The following CAP1 variants were observed in gnomAD, a reference collection of about 807,000 sequenced individuals.
CAP1 encodes the protein cyclase associated actin cytoskeleton regulatory protein 1, also known as adenylyl cyclase-associated protein 1.
Under a neutral mutation model 58.2 loss-of-function variants are expected in CAP1, and 11 were observed. The observed-to-expected ratio is 0.19, with a 90% CI of 0.12 to 0.31. CAP1 has a LOEUF of 0.31. CAP1 is among the 10% of genes least tolerant of loss of function. CAP1 has a pLI of 1.00. For synonymous variants in CAP1, 183 were observed against 213.8 expected (o/e 0.86, Z 1.26); for missense variants, 423 against 587.5 (o/e 0.72, Z 2.89).
At chr1:40,055,966 G>A (rs1379443759) in intron 1 of CAP1, among the ~76,000 whole-genome samples, 1 of 152,146 alleles carries the variant, frequency 6.6e-6, no homozygotes, top group Non-Finnish European at 1.5e-5. Context: ...CTTCTACATG[G>A]ATTCCTTCAT....
chr1:40,061,657 G>A (rs1394913091), intron 3 of CAP1, 78 bp from the exon 4 acceptor site: 2 of 1,155,046 alleles, frequency 1.7e-6, no homozygotes, highest in Non-Finnish European at 2.6e-6. Context: ...GTACATGGAA[G>A]TAGAGGTTTC....
chr1:40,070,409 A>T, intron 10 of CAP1, 21 bp from the exon 11 acceptor site: 2 of 1,608,138 alleles, frequency 1.2e-6, no homozygotes, highest in Non-Finnish European at 1.7e-6. Context: ...ACACGTTGAC[A>T]CACTCCCTTT....
At chr1:40,041,690 CG>C (rs1645837807) in intron 1 of CAP1, among the ~76,000 whole-genome samples, 1 of 152,120 alleles carries the variant, frequency 6.6e-6, no homozygotes, top group Non-Finnish European at 1.5e-5. Flanking sequence ...TTCCCAGATG[CG>C]GGGAATGCAG....
chr1:40,060,329 T>G (rs1335299829), intron 3 of CAP1, among the ~76,000 whole-genome samples, 159 bp downstream of exon 3: 3 of 152,168 alleles, frequency 2.0e-5, no homozygotes, highest in African/African-American at 7.2e-5. Context: ...AGGAGTTCAG[T>G]CTAGCCACAG....
intron 7 of CAP1, chr1:40,067,236 G>T (rs1193575998): frequency 3.2e-6 from 1 of 310,134 alleles, no homozygotes; most frequent in Non-Finnish European, 5.9e-6. Flanking sequence ...TGAATCTGTT[G>T]AATCAGAGGT....
intron 1 of CAP1, among the ~76,000 whole-genome samples, chr1:40,046,306 A>C (rs1646098723): frequency 6.6e-6 from 1 of 152,106 alleles, no homozygotes. Context: ...AATTACAAAA[A>C]TTTGCTGGGT....
rs77982712 is a variant in CAP1 at position 40,067,386 on chromosome 1, A to G, written c.631-154A>G. On this transcript the variant is annotated intron_variant, in intron 7 of 12. Coordinates refer to ENST00000372805, the MANE Select transcript of CAP1 (RefSeq NM_006367.4). ...GATCCTTGGGAAAGGGTGAGAAGGC[A>G]TAAAGCCAAGTTGGGTATGGGTAGG... The G allele has an allele frequency of 1.1e-3, 649 of 569,402 alleles. 9 individuals carry two copies. The East Asian group carries it at 0.019, about 17-fold the overall frequency. 35.3% of individuals were successfully genotyped at this position (569,402 alleles called of 1,614,324 possible).
Position 40,071,890 on chromosome 1 carries a change from G to C in CAP1, c.*357G>C, listed in dbSNP as rs1003954017. 4.6e-6 allele frequency: 2 copies of C among 433,992 alleles called. No homozygotes were observed. Among genetic ancestry groups the C allele is most frequent in the Non-Finnish European group, 8.2e-6 (2 of 245,074 alleles). The allele number at this position is 433,992 out of a possible 1,614,324, so 26.9% of individuals were successfully genotyped here. A position where few individuals can be genotyped will look rare whatever the true frequency, so the allele number is the denominator to read the frequency against. On this transcript the variant is annotated 3_prime_UTR_variant, in exon 13 of 13. Transcript: ENST00000372805. Reference sequence around the variant, plus strand: ...AAGAAAACAGTCCCTGGAATTAACAGATCAGAATGTTCACACTGGTTAATC... The same window carrying C: ...AAGAAAACAGTCCCTGGAATTAACACATCAGAATGTTCACACTGGTTAATC...
intron 3 of CAP1, among the ~76,000 whole-genome samples, chr1:40,061,517 C>T (rs1646850259): frequency 1.3e-5 from 2 of 152,186 alleles, no homozygotes; most frequent in Non-Finnish European, 2.9e-5. Flanking sequence ...CAATTAACTT[C>T]ACTTCCAACT....
chr1:40,066,166 T>C (rs1447932977), intron 6 of CAP1, 49 bp from the exon 7 acceptor site: 3 of 1,038,096 alleles, frequency 2.9e-6, no homozygotes, highest in Non-Finnish European at 4.6e-6. Flanking sequence ...GAGTCACCAC[T>C]GTTATGTACC....
intron 1 of CAP1, among the ~76,000 whole-genome samples, chr1:40,041,799 A>G (rs1488145413): frequency 6.6e-6 from 1 of 152,224 alleles, no homozygotes; most frequent in African/African-American, 2.4e-5. Context: ...GTGTTAGGAA[A>G]GAACAGGGTG....
intron 1 of CAP1, among the ~76,000 whole-genome samples, chr1:40,051,538 G>A (rs964671362): frequency 6.6e-6 from 1 of 152,146 alleles, no homozygotes; most frequent in African/African-American, 2.4e-5. Flanking sequence ...GGTCAATAGA[G>A]CCAGACCCTG....
chr1:40,069,881 TA>T lies in CAP1; in HGVS notation c.993+12del. 1 of 1,541,774 alleles carries T rather than the reference TA, an allele frequency of 6.5e-7. No homozygotes were observed. Among genetic ancestry groups the T allele is most frequent in the Non-Finnish European group, 8.7e-7 (1 of 1,148,516 alleles). On this transcript the variant is annotated splice_region_variant and intron_variant, in intron 9 of 12. Coordinates refer to ENST00000372805, the MANE Select transcript of CAP1 (RefSeq NM_006367.4). Reference sequence around the variant, plus strand: ...GGGCAAGAAGTGGAGAGTGGTGAGTTAAAAATACCTAGACAGGGGCAGGTAT... The same window carrying T: ...GGGCAAGAAGTGGAGAGTGGTGAGTTAAAATACCTAGACAGGGGCAGGTAT...
chr1:40,045,586 TG>T (rs1475681455), intron 1 of CAP1, among the ~76,000 whole-genome samples: 1 of 151,998 alleles, frequency 6.6e-6, no homozygotes, highest in Admixed American at 6.6e-5. Context: ...GATGGAGTTT[TG>T]CTCGGTCGCC....
At chr1:40,049,262 CT>C (rs925284775) in intron 1 of CAP1, among the ~76,000 whole-genome samples, 2 of 143,954 alleles carry the variant, frequency 1.4e-5, no homozygotes, top group African/African-American at 5.2e-5. Context: ...TCTCGGCTCA[CT>C]GCAAACCTCC....
rs982941884 is a variant in CAP1, at chr1:40,051,759, C to T, written c.-10-7578C>T. Among the ~76,000 whole-genome samples, 10 of 151,914 alleles carry T rather than the reference C, an allele frequency of 6.6e-5. 1 individual carries two copies. The South Asian group carries it at 1.0e-3, about 16-fold the overall frequency. The stretch of plus-strand genomic sequence containing the variant: ...CCTGGCTAATTTTTTTTATTAGAGA[C>T]GGGGTTTCACAGTGTTAGCTAGGAT... On this transcript the variant is annotated intron_variant, in intron 1 of 12. Transcript: ENST00000372805.
Position 40,059,426 on chromosome 1 carries a change from T to C in CAP1, c.80T>C (p.Met27Thr), listed in dbSNP as rs1202842945. 6.2e-7 allele frequency: 1 copy of C among 1,611,744 alleles called. No homozygotes were observed. Among genetic ancestry groups the C allele is most frequent in the Middle Eastern group, 1.7e-4 (1 of 6,056 alleles). ...GAGGCAGTATCTCATACCTCTGACA[T>C]GCACCGTGGGTATGCAGACAGTCCT... is the stretch of plus-strand genomic sequence containing the variant. ...RLEAVSHTSD[M>T]HRGYADSPSK... Residue 27 changes from methionine (M) to threonine (T), a missense_variant, in exon 2 of 13, where the codon ATG (methionine) becomes ACG (threonine). Physicochemically the swap from Met to Thr is moderately conservative, Grantham distance 81. Coordinates refer to ENST00000372805, the MANE Select transcript of CAP1 (RefSeq NM_006367.4).
At position 40,067,717 on chromosome 1, in the gene CAP1, GGTGA is replaced by G. The variant is rs775235434; in HGVS notation, c.808+6_808+9del. On this transcript the variant is annotated splice_donor_variant and splice_donor_region_variant and intron_variant, in intron 8 of 12. Coordinates refer to ENST00000372805, the MANE Select transcript of CAP1 (RefSeq NM_006367.4). LOFTEE classifies it high-confidence loss of function. Reference sequence around the variant, plus strand: ...TAATCAGGGGGAGAGCATTACACATGGTGAGTGAGCACTTGGACACGAACAGTAG... The same window carrying G: ...TAATCAGGGGGAGAGCATTACACATGGTGAGCACTTGGACACGAACAGTAG... 1 of 1,594,984 alleles carries G rather than the reference GGTGA, an allele frequency of 6.3e-7. No homozygotes were observed. The highest frequency in any genetic ancestry group is 8.5e-7 in the Non-Finnish European group (1 of 1,170,894).
chr1:40,062,814 T>C, intron 4 of CAP1, among the ~76,000 whole-genome samples: 1 of 145,032 alleles, frequency 6.9e-6, no homozygotes, highest in African/African-American at 2.6e-5. Context: ...TGCCATCTAA[T>C]TCTAATATGT....
Sources: gnomAD v4.1 joint callset for allele counts (sites outside exome capture counted in the v4.1 genomes callset) on GRCh38, gnomAD v4.1.1 for gene constraint, MANE v1.5 for transcripts, NCBI Gene and HGNC (gene_info 2026-07-23, HGNC 2026-07-21) for gene names.